SH3PXD2A: variants seen among roughly 807,000 people sequenced by gnomAD.
The protein encoded by SH3PXD2A is SH3 and PX domains 2A, also known as SH3 and PX domain-containing protein 2A.
SH3PXD2A carries 32 observed loss-of-function variants against 115.2 expected under a neutral mutation model. The ratio of observed to expected loss-of-function variants is 0.28; its 90% CI spans 0.21 to 0.37. The LOEUF is 0.37. SH3PXD2A is among the 10% of genes least tolerant of loss of function. The pLI is 1.00. For synonymous variants in SH3PXD2A, 610 were observed against 629.1 expected, an observed-to-expected ratio of 0.97 and a Z score of 0.45; for missense variants, 1,328 against 1,498.7, an observed-to-expected ratio of 0.89 and a Z score of 1.88.
intron 8 of SH3PXD2A, among the ~76,000 whole-genome samples, chr10:103,638,681 G>A (rs3781349): frequency 3.3e-5 from 5 of 152,146 alleles, no homozygotes; most frequent in Non-Finnish European, 7.4e-5. Flanking sequence ...GTGTTGTTAC[G>A]AGGATTAGAG....
chr10:103,676,952 C>T (rs1021263448), intron 6 of SH3PXD2A, among the ~76,000 whole-genome samples: 2 of 152,178 alleles, frequency 1.3e-5, no homozygotes, highest in African/African-American at 4.8e-5. Flanking sequence ...GAGCCAAAGC[C>T]AGTATTTGCG....
At chr10:103,739,651 C>T (rs2038421702) in intron 3 of SH3PXD2A, among the ~76,000 whole-genome samples, 2 of 152,174 alleles carry the variant, frequency 1.3e-5, no homozygotes, top group Admixed American at 6.5e-5. Flanking sequence ...TAGTGCAGCC[C>T]GTTGACGGCA....
Position 103,627,142 on chromosome 10 carries a change from G to A in SH3PXD2A, c.665C>T (p.Ala222Val), listed in dbSNP as rs2036710613. The A allele has an allele frequency of 6.2e-7, 1 of 1,613,518 alleles. No homozygotes were observed. Among genetic ancestry groups the A allele is most frequent in the African/African-American group, 1.3e-5 (1 of 74,904 alleles). ...QGWVPATYLE[A>V]QNGTRDDSDI... Reference sequence around the variant, plus strand: ...GGAGTCATCCCGAGTACCATTCTGGGCCTCCAGGTAGGTGGCAGGGACCCA... The same window carrying A: ...GGAGTCATCCCGAGTACCATTCTGGACCTCCAGGTAGGTGGCAGGGACCCA... The change falls in exon 9 of 15, where the codon GCC (alanine) becomes GTC (valine). Residue 222 changes from alanine to valine, a missense_variant. Around this residue, in one of 5 missense-constraint regions of SH3PXD2A, gnomAD observed 509 missense variants for 628.3 expected, o/e 0.81. Coordinates refer to ENST00000369774, the MANE Select transcript of SH3PXD2A (RefSeq NM_001394015.1). The surrounding 1 kb of genome is among the most constrained non-coding windows in gnomAD (Gnocchi z 4.4).
chr10:103,817,406 T>C (rs1564896670), intron 1 of SH3PXD2A, among the ~76,000 whole-genome samples: 2 of 152,106 alleles, frequency 1.3e-5, no homozygotes. Flanking sequence ...AGTGGTGCCA[T>C]CTCGGCGCAC....
chr10:103,671,384 G>A (rs1015359546), intron 6 of SH3PXD2A, among the ~76,000 whole-genome samples: 4 of 152,180 alleles, frequency 2.6e-5, no homozygotes, highest in South Asian at 2.1e-4. Context: ...GCAGACAACC[G>A]GAGCTCATGC....
chr10:103,692,641 G>A (rs1470549354), intron 6 of SH3PXD2A, among the ~76,000 whole-genome samples: 1 of 152,204 alleles, frequency 6.6e-6, no homozygotes, highest in African/African-American at 2.4e-5. Context: ...GAGAGGGACC[G>A]GAGAAGTCTT....
intron 9 of SH3PXD2A, 82 bp from the exon 10 acceptor site, chr10:103,622,635 G>A (rs982799054): frequency 1.2e-6 from 1 of 833,964 alleles, no homozygotes; most frequent in South Asian, 1.5e-5. Context: ...TGGGATGGGG[G>A]TGGGAGGAAG....
intron 6 of SH3PXD2A, among the ~76,000 whole-genome samples, chr10:103,681,758 CCGCGCGCG>C (rs59908558): frequency 1.4e-5 from 2 of 147,654 alleles, no homozygotes; most frequent in East Asian, 2.0e-4. Context: ...ACACACGCGC[CCGCGCGCG>C]CGCGCGCACA....
chr10:103,646,730 C>T (rs1040733924), intron 8 of SH3PXD2A, among the ~76,000 whole-genome samples: 1 of 152,248 alleles, frequency 6.6e-6, no homozygotes, highest in Non-Finnish European at 1.5e-5. Flanking sequence ...GCCTGGCATA[C>T]AGCAGGAGAT....
chr10:103,620,938 T>A lies in SH3PXD2A; in HGVS notation c.802+1532A>T, dbSNP rs796982014. On this transcript the variant is annotated intron_variant, in intron 10 of 14. Coordinates refer to ENST00000369774, the MANE Select transcript of SH3PXD2A (RefSeq NM_001394015.1). The surrounding 1 kb of genome is among the most constrained non-coding windows in gnomAD (Gnocchi z 5.3). ...GGCGTATGTGTGTATGTTGCGTATA[T>A]GTGTGTGTGTGATGATTTTGTGACT... is the stretch of plus-strand genomic sequence containing the variant. 2.0e-5 allele frequency among the ~76,000 whole-genome samples: 3 copies of A among 152,180 alleles called. No homozygotes were observed. The highest frequency in any genetic ancestry group is 7.2e-5 in the African/African-American group (3 of 41,520).
At chr10:103,835,668 C>G (rs574969060) in intron 1 of SH3PXD2A, among the ~76,000 whole-genome samples, 2 of 152,162 alleles carry the variant, frequency 1.3e-5, no homozygotes, top group African/African-American at 2.4e-5. Flanking sequence ...TTTTGGCCGC[C>G]CCCCCAACCC....
At chr10:103,817,176 T>C (rs1275836369) in intron 1 of SH3PXD2A, among the ~76,000 whole-genome samples, 1 of 150,532 alleles carries the variant, frequency 6.6e-6, no homozygotes, top group Non-Finnish European at 1.5e-5. Flanking sequence ...TTATTTTAGG[T>C]TCAGGGGTAT....
intron 8 of SH3PXD2A, among the ~76,000 whole-genome samples, chr10:103,636,244 T>C (rs2036861841): frequency 6.6e-6 from 1 of 151,764 alleles, no homozygotes; most frequent in African/African-American, 2.4e-5. Context: ...CCGTCTCTAC[T>C]GAAAATACAA....
chr10:103,772,372 G>C (rs1384885719), intron 2 of SH3PXD2A, among the ~76,000 whole-genome samples: 1 of 152,230 alleles, frequency 6.6e-6, no homozygotes, highest in African/African-American at 2.4e-5. Flanking sequence ...GCTGGGCGCG[G>C]GGGCGGTGAG....
chr10:103,676,949 A>G (rs1382607966), intron 6 of SH3PXD2A, among the ~76,000 whole-genome samples: 1 of 152,058 alleles, frequency 6.6e-6, no homozygotes, highest in African/African-American at 2.4e-5. Flanking sequence ...CCCGAGCCAA[A>G]GCCAGTATTT....
At position 103,834,982 on chromosome 10, in the gene SH3PXD2A, T is replaced by G. The variant is rs75501004; in HGVS notation, c.72+20213A>C. ...GCCTGGGAATTTATTGCAGGATAAT[T>G]TTTCAACATTTGTGCTGCTCAGGCT... On this transcript the variant is annotated intron_variant, in intron 1 of 14. Transcript: ENST00000369774. Among the ~76,000 whole-genome samples the G allele has an allele frequency of 3.7e-3, 563 of 152,310 alleles. 3 individuals carry two copies. Among genetic ancestry groups the G allele is most frequent in the Non-Finnish European group, 6.0e-3 (411 of 68,022 alleles).
intron 5 of SH3PXD2A, among the ~76,000 whole-genome samples, chr10:103,698,372 C>T (rs989176991): frequency 2.6e-5 from 4 of 152,266 alleles, no homozygotes; most frequent in African/African-American, 9.6e-5. Flanking sequence ...GAGAAGGACA[C>T]ACACACAAAC....
chr10:103,605,971 T>A, intron 13 of SH3PXD2A, 54 bp from the exon 14 acceptor site: 1 of 1,599,682 alleles, frequency 6.3e-7, no homozygotes, highest in Non-Finnish European at 8.5e-7. Flanking sequence ...GAAGAGTAAC[T>A]TGGCCAAGGG....
At chr10:103,745,166 A>T (rs1394961885) in intron 3 of SH3PXD2A, among the ~76,000 whole-genome samples, 1 of 152,218 alleles carries the variant, frequency 6.6e-6, no homozygotes, top group African/African-American at 2.4e-5. Context: ...ATCTTTATGT[A>T]TCTCTGTTAC....
Sources: allele counts gnomAD v4.1 joint callset (sites outside exome capture counted in the v4.1 genomes callset), GRCh38; gene constraint gnomAD v4.1.1; regional missense constraint gnomAD v4.1.1; non-coding constraint Gnocchi (gnomAD v3.1); transcripts MANE v1.5; gene names NCBI Gene and HGNC (gene_info 2026-07-23, HGNC 2026-07-21).